The following PKIB variants were observed in gnomAD, a reference collection of about 807,000 sequenced individuals.
PKIB encodes the protein PKI-beta.
PKIB carries 2 observed loss-of-function variants against 4.5 expected under a neutral mutation model. The observed-to-expected ratio is 0.44, with a 90% confidence interval of 0.18 to 1.39. PKIB has a LOEUF of 1.39. PKIB is among the 40% of genes most tolerant of loss of function. The pLI, the probability that PKIB is intolerant of heterozygous loss-of-function variation, is 0.27. For synonymous variants in PKIB, 38 were observed against 36.0 expected (o/e 1.06, Z -0.20); for missense variants, 94 against 92.6 (o/e 1.02, Z -0.06).
chr6:122,689,353 AG>A (rs1478905721), intron 3 of PKIB, among the ~76,000 whole-genome samples: 1 of 152,014 alleles, frequency 6.6e-6, no homozygotes, highest in African/African-American at 2.4e-5. Context: ...TGCATCATTG[AG>A]TTGATCACTT....
intron 2 of PKIB, among the ~76,000 whole-genome samples, chr6:122,513,645 G>A (rs970410770): frequency 6.6e-6 from 1 of 152,030 alleles, no homozygotes; most frequent in Non-Finnish European, 1.5e-5. Context: ...CCCCTGTCTA[G>A]TAGTTCACAG....
rs975575561 is a variant in PKIB at position 122,627,922 on chromosome 6, C to G, written c.-160-5361C>G. On this transcript the variant is annotated intron_variant, in intron 1 of 4. Coordinates refer to ENST00000368452, the MANE Select transcript of PKIB (RefSeq NM_181795.3). ...AGGAAAATAAATAAGTAAACTCATA[C>G]AAGATTTTAACTGTATATCATCTTA... is the stretch of plus-strand genomic sequence containing the variant. Among the ~76,000 whole-genome samples the G allele has an allele frequency of 3.3e-5, 5 of 151,906 alleles. No homozygotes were observed. The South Asian group carries it at 1.0e-3, about 32-fold the overall frequency.
At chr6:122,509,801 C>A (rs190465563) in intron 2 of PKIB, among the ~76,000 whole-genome samples, 1 of 152,192 alleles carries the variant, frequency 6.6e-6, no homozygotes, top group Admixed American at 6.5e-5. Context: ...GACCACTTAA[C>A]TAAATCATCA....
chr6:122,541,971 G>T (rs570192250), intron 2 of PKIB, among the ~76,000 whole-genome samples: 1 of 151,800 alleles, frequency 6.6e-6, no homozygotes, highest in Admixed American at 6.6e-5. Flanking sequence ...CCAGTTGATC[G>T]CATCGGCTCC....
intron 2 of PKIB, among the ~76,000 whole-genome samples, chr6:122,578,222 C>T (rs551199788): frequency 1.0e-3 from 157 of 151,658 alleles, no homozygotes; most frequent in Non-Finnish European, 1.7e-3. Context: ...CAGGGTTCAA[C>T]GAAAACATTT....
intron 2 of PKIB, among the ~76,000 whole-genome samples, chr6:122,642,711 G>A (rs6569262): frequency 0.25 from 38,512 of 152,072 alleles, 5,392 homozygotes; most frequent in East Asian, 0.37. Flanking sequence ...GCTAGTTAAT[G>A]AGTGTGACAT....
At chr6:122,712,848 G>A (rs1448901923) in intron 3 of PKIB, among the ~76,000 whole-genome samples, 1 of 152,108 alleles carries the variant, frequency 6.6e-6, no homozygotes, top group Non-Finnish European at 1.5e-5. Context: ...TTAAGAAAAT[G>A]GACCTGTTGT....
At chr6:122,545,037 C>T (rs1369339720) in intron 2 of PKIB, among the ~76,000 whole-genome samples, 3 of 151,972 alleles carry the variant, frequency 2.0e-5, no homozygotes, top group South Asian at 2.1e-4. Flanking sequence ...ATATACTGCT[C>T]GTGGGAATGT....
intron 2 of PKIB, among the ~76,000 whole-genome samples, chr6:122,545,239 G>A (rs1186846467): frequency 6.6e-6 from 1 of 151,908 alleles, no homozygotes; most frequent in African/African-American, 2.4e-5. Context: ...AATCAACCTA[G>A]ATGCCCATCA....
At chr6:122,671,165 A>T (rs879340179) in intron 2 of PKIB, among the ~76,000 whole-genome samples, 3 of 151,682 alleles carry the variant, frequency 2.0e-5, no homozygotes, top group Non-Finnish European at 2.9e-5. Flanking sequence ...GGTGGTGGGC[A>T]CCTGTAATCC....
At chr6:122,615,758 G>C (rs528373786) in intron 1 of PKIB, among the ~76,000 whole-genome samples, 36 of 152,224 alleles carry the variant, frequency 2.4e-4, no homozygotes, top group African/African-American at 8.4e-4. Context: ...TGACAATGCT[G>C]GGGGAGATTG....
At chr6:122,680,032 A>G (rs1379901256) in intron 3 of PKIB, among the ~76,000 whole-genome samples, 2 of 152,254 alleles carry the variant, frequency 1.3e-5, no homozygotes, top group East Asian at 1.9e-4. Flanking sequence ...CTGTAAAAAT[A>G]GGTCAATTGT....
chr6:122,684,627 T>G (rs1448636546), intron 3 of PKIB, among the ~76,000 whole-genome samples: 1 of 152,218 alleles, frequency 6.6e-6, no homozygotes, highest in African/African-American at 2.4e-5. Context: ...TAGACTGGAT[T>G]TTCAAATTAA....
intron 2 of PKIB, chr6:122,481,664 GTA>G (rs555868731): frequency 3.8e-4 from 58 of 152,224 alleles, no homozygotes; most frequent in African/African-American, 1.3e-3. Flanking sequence ...AAAACAGTAT[GTA>G]TGTGTGTGTG....
chr6:122,655,244 G>A (rs531838406), intron 2 of PKIB, among the ~76,000 whole-genome samples: 1 of 152,272 alleles, frequency 6.6e-6, no homozygotes, highest in African/African-American at 2.4e-5. Context: ...AATGGAAATG[G>A]TACCTGACTG....
At chr6:122,606,920 A>G (rs1388177032), upstream of PKIB, among the ~76,000 whole-genome samples, 2 of 151,950 alleles carry the variant, frequency 1.3e-5, no homozygotes, top group Non-Finnish European at 2.9e-5. Flanking sequence ...CCCTCAAAAT[A>G]CAAACTTCTG....
At chr6:122,473,012 G>A (rs572418045) in intron 1 of PKIB, among the ~76,000 whole-genome samples, 5 of 152,006 alleles carry the variant, frequency 3.3e-5, no homozygotes, top group African/African-American at 7.3e-5. Flanking sequence ...CTCGGGAGGC[G>A]AGGCAGGAGA....
intron 3 of PKIB, among the ~76,000 whole-genome samples, chr6:122,706,780 C>T (rs1435426559): frequency 6.6e-6 from 1 of 152,012 alleles, no homozygotes; most frequent in Admixed American, 6.6e-5. Context: ...TCATAAAAAT[C>T]TTCATTATAG....
intron 2 of PKIB, among the ~76,000 whole-genome samples, chr6:122,668,246 A>G (rs1327218356): frequency 2.6e-5 from 4 of 152,246 alleles, no homozygotes; most frequent in African/African-American, 9.6e-5. Flanking sequence ...AGAGTTTAAA[A>G]GAATACTGTA....
Sources: allele counts gnomAD v4.1 joint callset (sites outside exome capture counted in the v4.1 genomes callset), GRCh38; gene constraint gnomAD v4.1.1; transcripts MANE v1.5; gene names NCBI Gene and HGNC (gene_info 2026-07-23, HGNC 2026-07-21).